EPHA7: variants seen among roughly 807,000 people sequenced by gnomAD.
EPHA7 encodes ephrin type-A receptor 7.
EPHA7 carries 25 observed loss-of-function variants against 112.6 expected under a neutral mutation model. That is an observed-to-expected ratio of 0.22 (90% CI 0.16 to 0.31). The LOEUF (loss-of-function observed/expected upper bound fraction) is 0.31, where lower values mean the gene tolerates loss of function less well. Ranked by LOEUF, EPHA7 falls within the 10% of genes least tolerant of loss-of-function variation. The pLI, the probability that EPHA7 is intolerant of heterozygous loss-of-function variation, is 1.00. For synonymous variants in EPHA7, 437 were observed against 406.5 expected (o/e 1.07, Z -0.90); for missense variants, 962 against 1,212.6 (o/e 0.79, Z 3.07).
chr6:93,417,497 C>T (rs897411846), intron 1 of EPHA7, among the ~76,000 whole-genome samples: 2 of 152,208 alleles, frequency 1.3e-5, no homozygotes, highest in South Asian at 4.1e-4. Flanking sequence ...AATCAGAATC[C>T]TCTTCACGTA....
intron 7 of EPHA7, among the ~76,000 whole-genome samples, chr6:93,268,382 T>C (rs1294683663): frequency 6.6e-6 from 1 of 151,844 alleles, no homozygotes; most frequent in African/African-American, 2.4e-5. Flanking sequence ...AGGATATTTA[T>C]CAATTTACTC....
chr6:93,311,377 T>C (rs1374121276), intron 5 of EPHA7, among the ~76,000 whole-genome samples: 3 of 152,126 alleles, frequency 2.0e-5, no homozygotes, highest in African/African-American at 7.2e-5. Context: ...TAAGTCCTTC[T>C]TTGTCATTTC....
chr6:93,357,343 A>G (rs561549237), intron 4 of EPHA7, among the ~76,000 whole-genome samples: 1 of 152,248 alleles, frequency 6.6e-6, no homozygotes, highest in South Asian at 2.1e-4. Context: ...GTCTTTAACT[A>G]TTTTTCTTCC....
At chr6:93,293,520 T>C (rs1185835682) in intron 5 of EPHA7, among the ~76,000 whole-genome samples, 6 of 152,192 alleles carry the variant, frequency 3.9e-5, no homozygotes, top group Admixed American at 1.3e-4. Context: ...CTGTTTTTCT[T>C]TGACATTTGA....
intron 5 of EPHA7, among the ~76,000 whole-genome samples, chr6:93,285,468 G>C (rs1322672893): frequency 6.6e-6 from 1 of 151,730 alleles, no homozygotes; most frequent in Admixed American, 6.5e-5. Context: ...TGCTAGGCCA[G>C]CCAACAAACA....
chr6:93,319,448 T>G (rs1773961863), intron 5 of EPHA7, among the ~76,000 whole-genome samples: 1 of 151,972 alleles, frequency 6.6e-6, no homozygotes, highest in South Asian at 2.1e-4. Context: ...CTAGCATGCC[T>G]GGAATACATG....
chr6:93,259,532 A>C (rs1770593211), intron 9 of EPHA7, 53 bp from the exon 10 acceptor site: 2 of 1,600,444 alleles, frequency 1.2e-6, no homozygotes, highest in Middle Eastern at 3.4e-4. Flanking sequence ...CTTATTGTGC[A>C]GTCAGCCCAG....
chr6:93,248,042 C>T (rs186136536), intron 14 of EPHA7, among the ~76,000 whole-genome samples: 4 of 151,698 alleles, frequency 2.6e-5, no homozygotes, highest in South Asian at 2.1e-4. Flanking sequence ...AAACAGCATT[C>T]GAGGGGGAAG....
chr6:93,380,322 A>G (rs951085367), intron 3 of EPHA7, among the ~76,000 whole-genome samples: 5 of 152,124 alleles, frequency 3.3e-5, no homozygotes, highest in African/African-American at 9.7e-5. Flanking sequence ...AATGTGAACA[A>G]TAACCACTTA....
intron 5 of EPHA7, among the ~76,000 whole-genome samples, chr6:93,325,284 C>T (rs1284047619): frequency 6.6e-6 from 1 of 151,300 alleles, no homozygotes; most frequent in Admixed American, 6.6e-5. Flanking sequence ...AGCATTATCT[C>T]ACTTATTCTT....
intron 5 of EPHA7, among the ~76,000 whole-genome samples, chr6:93,338,886 T>A (rs576467167): frequency 8.0e-5 from 12 of 150,402 alleles, no homozygotes; most frequent in African/African-American, 2.9e-4. Flanking sequence ...ACATATTACA[T>A]ATCTCTATAT....
intron 1 of EPHA7, among the ~76,000 whole-genome samples, chr6:93,417,579 A>G (rs1003224183): frequency 6.6e-6 from 1 of 152,168 alleles, no homozygotes; most frequent in Non-Finnish European, 1.5e-5. Context: ...TGATGCAGTT[A>G]TTTATAGCCC....
At chr6:93,355,983 T>C (rs1775923853) in intron 5 of EPHA7, among the ~76,000 whole-genome samples, 1 of 152,186 alleles carries the variant, frequency 6.6e-6, no homozygotes, top group Admixed American at 6.5e-5. Context: ...AAGATCATAG[T>C]CTATGTAGTA....
At chr6:93,291,767 C>CAA (rs66483422) in intron 5 of EPHA7, among the ~76,000 whole-genome samples, 28 of 71,680 alleles carry the variant, frequency 3.9e-4, no homozygotes, top group African/African-American at 1.5e-3. Flanking sequence ...GACTCCGTCT[C>CAA]AAAAAAAAAA....
At chr6:93,338,980 T>C (rs1775010902) in intron 5 of EPHA7, among the ~76,000 whole-genome samples, 2 of 149,758 alleles carry the variant, frequency 1.3e-5, no homozygotes, top group Admixed American at 6.7e-5. Flanking sequence ...TAAATAAATA[T>C]TAAATTTTAT....
chr6:93,345,106 T>G (rs1331137387), intron 5 of EPHA7, among the ~76,000 whole-genome samples: 2 of 151,760 alleles, frequency 1.3e-5, no homozygotes, highest in East Asian at 3.9e-4. Flanking sequence ...AATACATCAG[T>G]TCACAGTGTT....
intron 3 of EPHA7, among the ~76,000 whole-genome samples, chr6:93,378,918 G>A (rs1777196091): frequency 6.6e-6 from 1 of 151,952 alleles, no homozygotes. Flanking sequence ...GTACAATCTG[G>A]TACTTCATTA....
chr6:93,260,257 C>T (rs1048081946), intron 9 of EPHA7, among the ~76,000 whole-genome samples: 2 of 151,720 alleles, frequency 1.3e-5, no homozygotes, highest in Non-Finnish European at 2.9e-5. Context: ...AGCCAATATG[C>T]CTCACAAAAG....
At chr6:93,373,083 T>G (rs1056003829) in intron 3 of EPHA7, among the ~76,000 whole-genome samples, 4 of 152,030 alleles carry the variant, frequency 2.6e-5, no homozygotes, top group South Asian at 2.1e-4. Context: ...TCTGTTCAAA[T>G]ATTTAATTGT....
Sources: allele counts gnomAD v4.1 joint callset (sites outside exome capture counted in the v4.1 genomes callset), GRCh38; gene constraint gnomAD v4.1.1; transcripts MANE v1.5; gene names NCBI Gene and HGNC (gene_info 2026-07-23, HGNC 2026-07-21).